SLC39A11: variants seen among roughly 807,000 people sequenced by gnomAD.
The protein encoded by SLC39A11 is solute carrier family 39 member 11, also known as zinc transporter ZIP11.
SLC39A11 carries 33 observed loss-of-function variants against 36.1 expected under a neutral mutation model. The ratio of observed to expected loss-of-function variants is 0.91; its 90% confidence interval spans 0.69 to 1.22. SLC39A11 has a LOEUF of 1.22. SLC39A11 is among the 50% of genes most tolerant of loss of function. The pLI, the probability that SLC39A11 is intolerant of heterozygous loss-of-function variation, is 0.00. For synonymous variants in SLC39A11, 166 were observed against 170.3 expected, an observed-to-expected ratio of 0.97 and a Z score of 0.20; for missense variants, 432 against 430.3, an observed-to-expected ratio of 1.00 and a Z score of -0.03.
chr17:72,726,005 A>C lies in SLC39A11; in HGVS notation c.671+10645T>G, dbSNP rs538498929. Among the ~76,000 whole-genome samples the C allele has an allele frequency of 2.0e-5, 3 of 152,356 alleles. No individual in the cohort carries two copies. The East Asian group carries it at 5.8e-4, about 29-fold the overall frequency. On this transcript the variant is annotated intron_variant, in intron 7 of 9. Coordinates refer to ENST00000255559, the MANE Select transcript of SLC39A11 (RefSeq NM_139177.4). Reference sequence around the variant, plus strand: ...TCTCCACAAGTACCTTAGTGTCCTCAGGCTGGGTCTCCAATTCTCAGGCTA... The same window carrying C: ...TCTCCACAAGTACCTTAGTGTCCTCCGGCTGGGTCTCCAATTCTCAGGCTA...
At chr17:73,033,190 T>C (rs2058794990) in intron 3 of SLC39A11, among the ~76,000 whole-genome samples, 1 of 152,176 alleles carries the variant, frequency 6.6e-6, no homozygotes. Flanking sequence ...GCTCCCGCGG[T>C]AATCCTCACT....
chr17:72,859,674 G>A (rs1347215686), intron 5 of SLC39A11, among the ~76,000 whole-genome samples: 5 of 151,296 alleles, frequency 3.3e-5, no homozygotes, highest in East Asian at 4.0e-4. Context: ...CATGGGCCAC[G>A]TGTAGCCCAG....
intron 6 of SLC39A11, among the ~76,000 whole-genome samples, chr17:72,760,947 C>G (rs1176735747): frequency 6.6e-6 from 1 of 152,172 alleles, no homozygotes; most frequent in Non-Finnish European, 1.5e-5. Context: ...CCTTTGTGGG[C>G]ACTACTGCCC....
At chr17:72,861,058 AAAAG>A (rs1289271892) in intron 5 of SLC39A11, among the ~76,000 whole-genome samples, 1 of 152,216 alleles carries the variant, frequency 6.6e-6, no homozygotes, top group African/African-American at 2.4e-5. Flanking sequence ...ATAAAAATAT[AAAAG>A]AAAGAGTAAT....
intron 4 of SLC39A11, among the ~76,000 whole-genome samples, chr17:73,018,866 G>A (rs1461506405): frequency 1.3e-5 from 2 of 151,118 alleles, no homozygotes; most frequent in African/African-American, 4.9e-5. Flanking sequence ...AATCAAGAAA[G>A]ATAAACATAA....
chr17:72,803,540 C>A (rs189811316), intron 6 of SLC39A11, among the ~76,000 whole-genome samples: 1 of 152,216 alleles, frequency 6.6e-6, no homozygotes, highest in South Asian at 2.1e-4. Context: ...TAGCATGCCT[C>A]TTCCCTCATG....
intron 4 of SLC39A11, among the ~76,000 whole-genome samples, chr17:72,994,955 AG>A (rs1415372881): frequency 6.6e-6 from 1 of 152,232 alleles, no homozygotes; most frequent in Non-Finnish European, 1.5e-5. Context: ...GAGGTGAGTT[AG>A]GTAAGACCCT....
chr17:72,676,910 G>T (rs890954888), intron 7 of SLC39A11, among the ~76,000 whole-genome samples: 2 of 152,170 alleles, frequency 1.3e-5, no homozygotes, highest in Non-Finnish European at 2.9e-5. Context: ...AAGCCCATCT[G>T]GTGTAACTCC....
intron 6 of SLC39A11, among the ~76,000 whole-genome samples, chr17:72,805,491 G>A (rs1451475252): frequency 6.6e-6 from 1 of 152,184 alleles, no homozygotes; most frequent in Non-Finnish European, 1.5e-5. Context: ...CACCTACAGT[G>A]CCCGATCTTC....
chr17:72,916,720 T>C (rs1468953023), intron 5 of SLC39A11, among the ~76,000 whole-genome samples: 1 of 152,146 alleles, frequency 6.6e-6, no homozygotes, highest in Non-Finnish European at 1.5e-5. Context: ...TGAAGCCACA[T>C]TCCTGGGTCC....
At chr17:72,935,731 C>T (rs962346219) in intron 5 of SLC39A11, among the ~76,000 whole-genome samples, 4 of 152,042 alleles carry the variant, frequency 2.6e-5, no homozygotes, top group African/African-American at 7.2e-5. Flanking sequence ...TACAGGCACG[C>T]GCCACCATGC....
intron 7 of SLC39A11, among the ~76,000 whole-genome samples, chr17:72,713,788 A>G (rs1205122510): frequency 6.6e-6 from 1 of 152,166 alleles, no homozygotes; most frequent in Non-Finnish European, 1.5e-5. Context: ...GGGTGATAAT[A>G]ACAGCTATAA....
chr17:73,090,044 A>T (rs1282427781), intron 1 of SLC39A11, among the ~76,000 whole-genome samples: 1 of 152,198 alleles, frequency 6.6e-6, no homozygotes, highest in Non-Finnish European at 1.5e-5. Flanking sequence ...ATGGTCTGCC[A>T]GCACCCAGAG....
At chr17:72,729,445 ATATATATATATATTTTTTT>A (rs2074112898) in intron 7 of SLC39A11, among the ~76,000 whole-genome samples, 1 of 3,162 alleles carries the variant, frequency 3.2e-4, no homozygotes, top group African/African-American at 1.3e-3. Flanking sequence ...ATATATATAT[ATATATATATATATTTTTTT>A]TTTTTTTTTT....
intron 3 of SLC39A11, among the ~76,000 whole-genome samples, chr17:73,048,918 G>T (rs147604876): frequency 6.6e-6 from 1 of 152,158 alleles, no homozygotes; most frequent in African/African-American, 2.4e-5. Flanking sequence ...GTAGATACAG[G>T]TGTCTGTGAA....
intron 5 of SLC39A11, among the ~76,000 whole-genome samples, chr17:72,895,253 G>C (rs1160624372): frequency 6.6e-6 from 1 of 152,120 alleles, no homozygotes; most frequent in Non-Finnish European, 1.5e-5. Context: ...TTAGTGCACA[G>C]GAAGAAGAAA....
rs1567838912 is a variant in SLC39A11, at chr17:72,860,026, GGAGGGGAGGGGAGGGGAGGA to G, written c.431-10242_431-10223del. Among the ~76,000 whole-genome samples, 5 of 112,268 alleles carry G rather than the reference GGAGGGGAGGGGAGGGGAGGA, an allele frequency of 4.5e-5. No individual in the cohort carries two copies. In the South Asian group the frequency reaches 1.4e-3, roughly 32 times the overall value. 73.7% of individuals were successfully genotyped at this position (112,268 alleles called of 152,430 possible). A position where few individuals can be genotyped will look rare whatever the true frequency, so the allele number is the denominator to read the frequency against. On this transcript the variant is annotated intron_variant, in intron 5 of 9. Transcript: ENST00000255559. ...CTAGACGAGGAGAGGGGAGGGGAGG[GGAGGGGAGGGGAGGGGAGGA>G]AGGAAAGAAAGAAAAGAAAGAGAAC... is the stretch of plus-strand genomic sequence containing the variant.
At chr17:73,015,811 A>AC (rs1288270834) in intron 4 of SLC39A11, among the ~76,000 whole-genome samples, 3 of 152,174 alleles carry the variant, frequency 2.0e-5, no homozygotes, top group Non-Finnish European at 4.4e-5. Flanking sequence ...GGAACTCCTG[A>AC]CCTCAGGTGA....
At chr17:72,891,669 T>C (rs2081751718) in intron 5 of SLC39A11, among the ~76,000 whole-genome samples, 3 of 152,096 alleles carry the variant, frequency 2.0e-5, no homozygotes, top group Admixed American at 2.0e-4. Context: ...CTCTTTGGTT[T>C]TAAACCTACT....
Sources: allele counts gnomAD v4.1 joint callset (sites outside exome capture counted in the v4.1 genomes callset), GRCh38; gene constraint gnomAD v4.1.1; transcripts MANE v1.5; gene names NCBI Gene and HGNC (gene_info 2026-07-23, HGNC 2026-07-21).